COL4A3: variants seen among roughly 807,000 people sequenced by gnomAD.
COL4A3 encodes collagen alpha-3(IV) chain.
Under a neutral mutation model 217.4 loss-of-function variants are expected in COL4A3, and 135 were observed. That is an observed-to-expected ratio of 0.62 (90% CI 0.54 to 0.72). The LOEUF (loss-of-function observed/expected upper bound fraction) is 0.72, where lower values mean the gene tolerates loss of function less well. Ranked by LOEUF, COL4A3 falls within the 30% of genes least tolerant of loss-of-function variation. The pLI is 0.00. For synonymous variants in COL4A3, 690 were observed against 736.3 expected, an observed-to-expected ratio of 0.94 and a Z score of 1.02; for missense variants, 1,868 against 2,119.9, an observed-to-expected ratio of 0.88 and a Z score of 2.33.
At chr2:227,292,652 T>C (rs1395375425) in intron 37 of COL4A3, among the ~76,000 whole-genome samples, 2 of 152,234 alleles carry the variant, frequency 1.3e-5, no homozygotes, top group Non-Finnish European at 2.9e-5. Flanking sequence ...TGGAAGGTTT[T>C]TAAAACATGT....
intron 29 of COL4A3, 109 bp from the exon 30 acceptor site, chr2:227,280,331 G>T (rs1432989400): frequency 6.5e-6 from 8 of 1,226,152 alleles, no homozygotes; most frequent in East Asian, 2.3e-5. Flanking sequence ...GAAAGTTGAT[G>T]ACATGGTAGT....
chr2:227,171,068 T>C (rs952612280), intron 1 of COL4A3, among the ~76,000 whole-genome samples: 3 of 152,318 alleles, frequency 2.0e-5, no homozygotes, highest in East Asian at 1.9e-4. Context: ...AATTAACAAA[T>C]GTAGCATTTA....
chr2:227,283,900 A>G, intron 33 of COL4A3, 44 bp downstream of exon 33: 2 of 1,489,802 alleles, frequency 1.3e-6, no homozygotes, highest in Non-Finnish European at 1.9e-6. Flanking sequence ...AGCATAAACA[A>G]TGTTCATTTA....
rs764339731 is a variant in COL4A3 at position 227,253,514 on chromosome 2, T to C, written c.688-47T>C. 1.3e-5 allele frequency: 20 copies of C among 1,515,234 alleles called. 1 individual carries two copies. In the South Asian group the frequency reaches 1.6e-4, roughly 12 times the overall value. 93.9% of individuals were successfully genotyped at this position (1,515,234 alleles called of 1,614,324 possible). On this transcript the variant is annotated intron_variant, in intron 12 of 51. Transcript: ENST00000396578. The surrounding 1 kb of genome is among the most constrained non-coding windows in gnomAD (Gnocchi z 4.4). ...TTTCAAACGTAGTAACATTGAAATGTTGATGCTGTTGTTTATTTTCTCACT... is the reference window on the plus strand; with the variant it reads ...TTTCAAACGTAGTAACATTGAAATGCTGATGCTGTTGTTTATTTTCTCACT...
At chr2:227,297,984 C>A in intron 42 of COL4A3, 125 bp downstream of exon 42, 3 of 1,101,082 alleles carry the variant, frequency 2.7e-6, no homozygotes, top group Non-Finnish European at 4.1e-6. Context: ...CATTCCCCCA[C>A]TACCTGTGGT....
intron 1 of COL4A3, among the ~76,000 whole-genome samples, chr2:227,174,848 C>A (rs751666014): frequency 1.3e-5 from 2 of 152,118 alleles, no homozygotes; most frequent in Non-Finnish European, 2.9e-5. Context: ...CAAGGCCAGA[C>A]GCTAAGATAG....
At chr2:227,299,441 C>G (rs1339939659) in intron 43 of COL4A3, among the ~76,000 whole-genome samples, 1 of 152,136 alleles carries the variant, frequency 6.6e-6, no homozygotes, top group Non-Finnish European at 1.5e-5. Flanking sequence ...AACTCACTCA[C>G]TACCATGAGA....
In COL4A3 at chr2:227,309,240, C is replaced by T. The variant is rs764663555; in HGVS notation, c.4677C>T (p.Ala1559=). 23 of 1,614,192 alleles carry T rather than the reference C, an allele frequency of 1.4e-5. No individual in the cohort carries two copies. Among genetic ancestry groups the T allele is most frequent in the Middle Eastern group, 1.6e-4 (1 of 6,062 alleles). Residue 1559 remains alanine, a synonymous_variant, in exon 50 of 52, where the codon GCC becomes GCT. Transcript: ENST00000396578. ...GTGAAGGTCCTGCGATCGCCATAGC[C>T]GTTCACAGCCAAACCACTGACATTC... ...TVCEGPAIAI[A]VHSQTTDIPP...
At position 227,276,444 on chromosome 2, in the gene COL4A3, C is replaced by T. The variant is rs747891356; in HGVS notation, c.1987C>T (p.Pro663Ser). Residue 663 changes from proline (P) to serine (S), a missense_variant, in exon 27 of 52, where the codon CCC becomes TCC. This residue lies in a region of COL4A3 where 1,503 missense variants were observed against 1,786.1 expected (regional missense o/e 0.84). Transcript: ENST00000396578. ...TCCAGGCCCACCAGGACCTCCAGGG[C>T]CCCCTGGCCATCCTGGCCCCCAAGG... ...PVPGPPGPPG[P>S]PGHPGPQGPP... 6.2e-7 allele frequency: 1 copy of T among 1,613,894 alleles called. No individual in the cohort carries two copies. The highest frequency in any genetic ancestry group is 8.5e-7 in the Non-Finnish European group (1 of 1,179,774).
chr2:227,303,104 G>T lies in COL4A3; in HGVS notation c.3949G>T (p.Val1317Leu). ...GDPGFQGFPG[V>L]KGEKGNPGFL... The stretch of plus-strand genomic sequence containing the variant: ...TCCTGGATTCCAGGGGTTTCCAGGC[G>T]TGAAAGGTACTGTTTTTGTGCATTG... Residue 1317 changes from valine (V) to leucine (L), a missense_variant, in exon 44 of 52, where the codon GTG becomes TTG. Physicochemically the swap from Val to Leu is conservative, Grantham distance 32. This residue lies in a region of COL4A3 where 1,503 missense variants were observed against 1,786.1 expected (regional missense o/e 0.84). Coordinates refer to ENST00000396578, the MANE Select transcript of COL4A3 (RefSeq NM_000091.5). 1 of 1,613,484 alleles carries T rather than the reference G, an allele frequency of 6.2e-7. No homozygotes were observed. Among genetic ancestry groups the T allele is most frequent in the Non-Finnish European group, 8.5e-7 (1 of 1,179,500 alleles).
At position 227,270,831 on chromosome 2, in the gene COL4A3, C is replaced by A; in HGVS notation, c.1637C>A (p.Pro546His). The change falls in exon 25 of 52, where the codon CCT becomes CAT. Residue 546 changes from proline (P) to histidine (H), a missense_variant. Pro to His is a moderately conservative substitution (Grantham distance 77). This residue lies in a region of COL4A3 where 1,503 missense variants were observed against 1,786.1 expected (regional missense o/e 0.84). Transcript: ENST00000396578. ...LKGEKGETLQPEGQVGVPGDP... is the reference protein window; with the variant it reads ...LKGEKGETLQHEGQVGVPGDP... ...GGAGAAAAAGGTGAAACACTTCAGC[C>A]TGAGGGGCAAGTGGGTGTCCCAGGT... The A allele has an allele frequency of 6.2e-7, 1 of 1,614,158 alleles. No individual in the cohort carries two copies.
chr2:227,264,265 A>C (rs2070761417), intron 21 of COL4A3, among the ~76,000 whole-genome samples: 1 of 152,136 alleles, frequency 6.6e-6, no homozygotes, highest in African/African-American at 2.4e-5. Context: ...CCTGGAGACT[A>C]TCTGTGCCAG....
intron 1 of COL4A3, among the ~76,000 whole-genome samples, chr2:227,198,872 A>G (rs2125727644): frequency 6.6e-6 from 1 of 152,356 alleles, no homozygotes; most frequent in East Asian, 1.9e-4. Context: ...GGGAAGCAGT[A>G]TAGGGTTTTT....
intron 37 of COL4A3, among the ~76,000 whole-genome samples, chr2:227,291,562 C>CAAAAA: frequency 2.9e-5 from 1 of 34,406 alleles, no homozygotes; most frequent in Admixed American, 2.2e-4. Flanking sequence ...GACTCCGTCT[C>CAAAAA]AAAAAAAAAA....
Position 227,248,434 on chromosome 2 carries a change from A to AT in COL4A3, c.469-5dup. On this transcript the variant is annotated splice_polypyrimidine_tract_variant and intron_variant, in intron 8 of 51. Transcript: ENST00000396578. ...TTGATGATGTTTGATGAACTTCTTC[A>AT]TTTTCAAGGGTGCTCCTGCTAAAGA... is the stretch of plus-strand genomic sequence containing the variant. 6.3e-7 allele frequency: 1 copy of AT among 1,587,592 alleles called. No individual in the cohort carries two copies.
chr2:227,178,327 G>A (rs944670035), intron 1 of COL4A3, among the ~76,000 whole-genome samples: 3 of 152,036 alleles, frequency 2.0e-5, no homozygotes, highest in African/African-American at 4.8e-5. Flanking sequence ...AGGCTACAGC[G>A]AGCTGACAGC....
Position 227,254,099 on chromosome 2 carries a change from G to C in COL4A3, c.766-13G>C. ...CATCCATTTGTAACAATGTTGAACT[G>C]TTTCTTTGGCAGGACCTCAAGGGGG... On this transcript the variant is annotated splice_polypyrimidine_tract_variant and intron_variant, in intron 13 of 51. Transcript: ENST00000396578. The C allele has an allele frequency of 6.2e-7, 1 of 1,612,810 alleles. No homozygotes were observed. Among genetic ancestry groups the C allele is most frequent in the Non-Finnish European group, 8.5e-7 (1 of 1,179,064 alleles).
chr2:227,304,897 T>C, intron 46 of COL4A3, 88 bp from the exon 47 acceptor site: 1 of 1,089,092 alleles, frequency 9.2e-7, no homozygotes, highest in Non-Finnish European at 1.4e-6. Context: ...TTCCTGAAAC[T>C]GAGAAAGTCC....
intron 1 of COL4A3, among the ~76,000 whole-genome samples, chr2:227,168,879 T>A (rs1434906513): frequency 1.3e-5 from 2 of 151,152 alleles, no homozygotes; most frequent in Non-Finnish European, 3.0e-5. Flanking sequence ...TCCTTCTTTT[T>A]TTTCTTTTTT....
Sources: gnomAD v4.1 joint callset for allele counts (sites outside exome capture counted in the v4.1 genomes callset) on GRCh38, gnomAD v4.1.1 for gene constraint, gnomAD v4.1.1 regional missense constraint, Gnocchi (gnomAD v3.1) non-coding constraint, MANE v1.5 for transcripts, NCBI Gene and HGNC (gene_info 2026-07-23, HGNC 2026-07-21) for gene names.